KCNQ5: variants seen among roughly 807,000 people sequenced by gnomAD.
KCNQ5 encodes the protein potassium voltage-gated channel subfamily Q member 5.
Under a neutral mutation model 98.2 loss-of-function variants are expected in KCNQ5, and 30 were observed. The observed-to-expected ratio is 0.31, with a 90% CI of 0.23 to 0.41. KCNQ5 has a LOEUF of 0.41. Ranked by LOEUF, KCNQ5 falls within the 10% of genes least tolerant of loss-of-function variation. The pLI is 1.00. For synonymous variants in KCNQ5, 458 were observed against 449.4 expected (o/e 1.02, Z -0.24); for missense variants, 835 against 1,182.5 (o/e 0.71, Z 4.31).
chr6:72,808,342 T>G (rs890828705), intron 1 of KCNQ5, among the ~76,000 whole-genome samples: 5 of 152,130 alleles, frequency 3.3e-5, no homozygotes, highest in Admixed American at 2.0e-4. Context: ...AAACAGAGAC[T>G]AAGTTGATTT....
chr6:72,763,813 T>A (rs1045325320), intron 1 of KCNQ5, among the ~76,000 whole-genome samples: 6 of 151,944 alleles, frequency 3.9e-5, no homozygotes, highest in Admixed American at 2.0e-4. Context: ...AAACATGAGC[T>A]GTTGTGGAAA....
rs929596994 is a variant in KCNQ5, at chr6:73,034,996, C to T, written c.490-6940C>T. 7.1e-4 allele frequency among the ~76,000 whole-genome samples: 106 copies of T among 149,704 alleles called. 1 individual carries two copies. Among genetic ancestry groups the T allele is most frequent in the African/African-American group, 2.4e-3 (95 of 39,826 alleles). ...GAGTAGCTGGGACTACAGGCGCCCG[C>T]CACCACACCCAGCTAATTTTTTGTA... On this transcript the variant is annotated intron_variant, in intron 2 of 13. Coordinates refer to ENST00000370398, the MANE Select transcript of KCNQ5 (RefSeq NM_019842.4).
chr6:73,026,240 G>A (rs768625644), intron 2 of KCNQ5, among the ~76,000 whole-genome samples: 28 of 152,178 alleles, frequency 1.8e-4, no homozygotes, highest in Non-Finnish European at 3.2e-4. Context: ...CAGAGTAAAA[G>A]CCAAAGTTCT....
chr6:72,945,516 G>A (rs1342521686), intron 1 of KCNQ5, among the ~76,000 whole-genome samples: 9 of 149,574 alleles, frequency 6.0e-5, no homozygotes, highest in African/African-American at 2.2e-4. Context: ...GTGCAGTGGT[G>A]CAATCTTGGC....
intron 1 of KCNQ5, among the ~76,000 whole-genome samples, chr6:72,845,272 C>T (rs1281981798): frequency 1.3e-5 from 2 of 152,064 alleles, no homozygotes; most frequent in Non-Finnish European, 2.9e-5. Context: ...AATAAACCTC[C>T]AGAGTCTTGT....
chr6:72,814,031 G>T (rs547906363), intron 1 of KCNQ5, among the ~76,000 whole-genome samples: 4 of 152,208 alleles, frequency 2.6e-5, no homozygotes, highest in Non-Finnish European at 4.4e-5. Context: ...AGCCTATGGG[G>T]CCAGGCAGGA....
chr6:72,938,562 T>G (rs911577106), intron 1 of KCNQ5, among the ~76,000 whole-genome samples: 2 of 151,988 alleles, frequency 1.3e-5, no homozygotes, highest in African/African-American at 4.8e-5. Context: ...GTATTTTTTT[T>G]TTAGTAGAGA....
intron 1 of KCNQ5, among the ~76,000 whole-genome samples, chr6:72,643,688 G>A (rs1021994551): frequency 9.2e-5 from 14 of 152,080 alleles, no homozygotes; most frequent in African/African-American, 2.7e-4. Flanking sequence ...CTGGTCACAA[G>A]CATTTCAGAT....
rs564299819 is a variant in KCNQ5, at chr6:73,045,499, A to G, written c.616+3437A>G. 6.1e-4 allele frequency among the ~76,000 whole-genome samples: 93 copies of G among 152,268 alleles called. 1 individual carries two copies. Among genetic ancestry groups the G allele is most frequent in the African/African-American group, 2.0e-3 (84 of 41,562 alleles). ...ATGAGCACTAATTGCTGTATTGCTG[A>G]TGTGGATAGTCAAGTGTGTTTTGGG... On this transcript the variant is annotated intron_variant, in intron 3 of 13. Transcript: ENST00000370398.
At chr6:72,819,127 T>G (rs1775638050) in intron 1 of KCNQ5, among the ~76,000 whole-genome samples, 1 of 151,920 alleles carries the variant, frequency 6.6e-6, no homozygotes, top group South Asian at 2.1e-4. Context: ...TTCGACAATT[T>G]TATTTTTATT....
chr6:72,666,748 G>A (rs913119476), intron 1 of KCNQ5, among the ~76,000 whole-genome samples: 2 of 152,026 alleles, frequency 1.3e-5, no homozygotes, highest in African/African-American at 4.8e-5. Flanking sequence ...TATTATGAAC[G>A]TTTACACTTA....
At chr6:73,035,282 C>T (rs1332147372) in intron 2 of KCNQ5, among the ~76,000 whole-genome samples, 5 of 152,154 alleles carry the variant, frequency 3.3e-5, no homozygotes, top group Non-Finnish European at 4.4e-5. Flanking sequence ...AAATAATACA[C>T]ATTTATTGTC....
chr6:73,124,980 T>TACAC (rs150667060), intron 9 of KCNQ5, among the ~76,000 whole-genome samples: 2 of 22,840 alleles, frequency 8.8e-5, no homozygotes, highest in Admixed American at 5.6e-4. Context: ...TATATATATA[T>TACAC]ACACACACAC....
intron 1 of KCNQ5, among the ~76,000 whole-genome samples, chr6:72,975,998 C>G (rs573479876): frequency 1.3e-5 from 2 of 152,212 alleles, no homozygotes; most frequent in Non-Finnish European, 2.9e-5. Flanking sequence ...TGAAAGTAAC[C>G]AAATTCATAA....
At chr6:72,652,114 T>C (rs1403106396) in intron 1 of KCNQ5, among the ~76,000 whole-genome samples, 3 of 151,968 alleles carry the variant, frequency 2.0e-5, no homozygotes, top group African/African-American at 7.2e-5. Context: ...ATGGGATCTA[T>C]ATCTAAATAA....
intron 1 of KCNQ5, among the ~76,000 whole-genome samples, chr6:72,716,797 A>G (rs1769666711): frequency 1.3e-5 from 2 of 152,216 alleles, no homozygotes. Context: ...CACCCTTTAG[A>G]GAACAGATTG....
At chr6:73,150,832 A>ATATGTG (rs1554215774) in intron 10 of KCNQ5, among the ~76,000 whole-genome samples, 3 of 148,212 alleles carry the variant, frequency 2.0e-5, no homozygotes, top group Middle Eastern at 3.5e-3. Flanking sequence ...ATATATATAT[A>ATATGTG]TGTGTGTGTG....
chr6:73,090,793 A>C (rs1478577876), intron 5 of KCNQ5, among the ~76,000 whole-genome samples: 2 of 152,234 alleles, frequency 1.3e-5, no homozygotes, highest in African/African-American at 2.4e-5. Flanking sequence ...AGCCAGTTAG[A>C]ATGGCGATCA....
intron 1 of KCNQ5, among the ~76,000 whole-genome samples, chr6:72,719,219 T>G (rs1769819841): frequency 6.6e-6 from 1 of 152,198 alleles, no homozygotes; most frequent in African/African-American, 2.4e-5. Context: ...GGAAAAGTAT[T>G]CTGTCTTCAC....
Sources: gnomAD v4.1 joint callset for allele counts (sites outside exome capture counted in the v4.1 genomes callset) on GRCh38, gnomAD v4.1.1 for gene constraint, MANE v1.5 for transcripts, NCBI Gene and HGNC (gene_info 2026-07-23, HGNC 2026-07-21) for gene names.